Variants in CCDC3 observed in about 807,000 individuals in gnomAD.
CCDC3 encodes coiled-coil domain containing 3.
In CCDC3, 24 loss-of-function variants were observed where a neutral mutation model predicts 21.4. The observed-to-expected ratio is 1.12, with a 90% CI of 0.81 to 1.58. The LOEUF is 1.58. Among genes scored for constraint, CCDC3 ranks in the 40% most tolerant of loss-of-function variants. The pLI is 0.00. For missense variants in CCDC3, 425 were observed against 360.9 expected, an observed-to-expected ratio of 1.18 and a Z score of -1.44; for synonymous variants, 186 against 166.0, an observed-to-expected ratio of 1.12 and a Z score of -0.93.
At chr10:12,916,234 C>G (rs75803721) in intron 2 of CCDC3, among the ~76,000 whole-genome samples, 4 of 152,242 alleles carry the variant, frequency 2.6e-5, no homozygotes, top group Admixed American at 2.0e-4. Flanking sequence ...GCGATTGAGA[C>G]CAGCCTGGCC....
chr10:13,089,176 A>G (rs9664219), intron 3 of CCDC3, among the ~76,000 whole-genome samples: 119,673 of 152,006 alleles, frequency 0.79, 47,276 homozygotes, highest in South Asian at 0.85. Context: ...GATAGTGGCT[A>G]ACTCTTTAGA....
chr10:12,966,412 G>C (rs1334508038), intron 2 of CCDC3, among the ~76,000 whole-genome samples: 1 of 152,078 alleles, frequency 6.6e-6, no homozygotes, highest in Non-Finnish European at 1.5e-5. Context: ...TGCATTACAA[G>C]CATGCTCCTG....
chr10:13,036,035 T>A (rs571653098), intron 5 of CCDC3, among the ~76,000 whole-genome samples: 1 of 152,176 alleles, frequency 6.6e-6, no homozygotes, highest in East Asian at 1.9e-4. Flanking sequence ...TCCCGGCTAC[T>A]CAGGAGGCTG....
At chr10:13,017,255 G>A (rs894971121) in intron 5 of CCDC3, among the ~76,000 whole-genome samples, 2 of 151,908 alleles carry the variant, frequency 1.3e-5, no homozygotes, top group Admixed American at 6.6e-5. Flanking sequence ...GGTGGCTCAC[G>A]TCTGTAATCC....
In CCDC3 at chr10:12,958,222, A is replaced by AC. The variant is rs1369456087; in HGVS notation, c.549+40115_549+40116insG. 1.6e-4 allele frequency among the ~76,000 whole-genome samples: 25 copies of AC among 152,302 alleles called. No homozygotes were observed. The Middle Eastern group carries it at 0.01, about 62-fold the overall frequency. ...CAAAAGTAAACAAACAAACAAACAA[A>AC]AAAAACCCAACAACCCAAGACCATG... is the stretch of plus-strand genomic sequence containing the variant. On this transcript the variant is annotated intron_variant, in intron 2 of 2. Transcript: ENST00000378825.
intron 5 of CCDC3, among the ~76,000 whole-genome samples, chr10:13,033,741 A>G (rs908136181): frequency 7.9e-5 from 12 of 152,252 alleles, no homozygotes; most frequent in Non-Finnish European, 2.9e-5. Flanking sequence ...ACGTGAAAAA[A>G]TGCTCGTCAT....
intron 4 of CCDC3, among the ~76,000 whole-genome samples, chr10:13,068,514 G>A (rs1428850908): frequency 1.3e-5 from 2 of 152,158 alleles, no homozygotes; most frequent in Non-Finnish European, 2.9e-5. Context: ...AAATGTAGAT[G>A]TCATCAAAAT....
At chr10:12,928,906 T>G in intron 2 of CCDC3, among the ~76,000 whole-genome samples, 1 of 152,040 alleles carries the variant, frequency 6.6e-6, no homozygotes. Context: ...AGAGCAAGCT[T>G]TGGAGGCACC....
chr10:12,953,605 T>C (rs1835041105), intron 2 of CCDC3, among the ~76,000 whole-genome samples: 1 of 152,076 alleles, frequency 6.6e-6, no homozygotes, highest in African/African-American at 2.4e-5. Flanking sequence ...TGGGCAGAGT[T>C]TTCTCTGCTG....
intron 2 of CCDC3, among the ~76,000 whole-genome samples, chr10:12,909,468 C>A (rs1834230784): frequency 6.6e-6 from 1 of 152,180 alleles, no homozygotes; most frequent in South Asian, 2.1e-4. Context: ...GGTGTGCCAA[C>A]CCGGGCTGAG....
At chr10:12,958,375 A>C (rs1421706661) in intron 2 of CCDC3, among the ~76,000 whole-genome samples, 5 of 152,052 alleles carry the variant, frequency 3.3e-5, no homozygotes, top group Non-Finnish European at 7.4e-5. Context: ...GGTGCCAAAA[A>C]CCAGACGACC....
intron 3 of CCDC3, among the ~76,000 whole-genome samples, chr10:13,084,690 G>C (rs1837081411): frequency 6.6e-6 from 1 of 152,126 alleles, no homozygotes; most frequent in African/African-American, 2.4e-5. Flanking sequence ...GTCTAGATCG[G>C]GACTCCTTTC....
chr10:12,898,795 A>T, intron 2 of CCDC3, 116 bp from the exon 3 acceptor site: 1 of 1,232,446 alleles, frequency 8.1e-7, no homozygotes. Flanking sequence ...CCGATTCCCC[A>T]CCCCAGCATG....
chr10:12,916,743 G>T (rs1373802473), intron 2 of CCDC3, among the ~76,000 whole-genome samples: 1 of 152,248 alleles, frequency 6.6e-6, no homozygotes, highest in East Asian at 1.9e-4. Context: ...AAGTAAGCCT[G>T]AAGTCTGGGG....
At chr10:12,959,415 G>A (rs765990597) in intron 2 of CCDC3, among the ~76,000 whole-genome samples, 4 of 152,120 alleles carry the variant, frequency 2.6e-5, no homozygotes, top group Non-Finnish European at 5.9e-5. Context: ...GGATCCACCT[G>A]CCTCGGCCTC....
intron 2 of CCDC3, among the ~76,000 whole-genome samples, chr10:12,907,338 C>T (rs895063520): frequency 1.6e-4 from 25 of 152,192 alleles, no homozygotes; most frequent in African/African-American, 5.8e-4. Context: ...TGTGAAGCCC[C>T]ATTTCCCAGG....
intron 4 of CCDC3, chr10:13,057,762 C>A: frequency 4.7e-6 from 1 of 211,252 alleles, no homozygotes; most frequent in Non-Finnish European, 9.5e-6. Context: ...GCCTGTAAAT[C>A]CCAGCTACTC....
Position 13,001,355 on chromosome 10 carries a change from G to C in CCDC3, c.216C>G (p.Gly72=). The change falls in exon 1 of 3, where the codon GGC becomes GGG. Residue 72 remains glycine (G), a synonymous_variant. Transcript: ENST00000378825. ...TCTCGACCTCGGCCGAGTAGAAGAG[G>C]CCCCCCTGGCCGGCGTGGTACTGCC... ...LPWQYHAGQG[G]LFYSAEVEML... is the part of the protein sequence containing the mutation. 1 of 1,598,692 alleles carries C rather than the reference G, an allele frequency of 6.3e-7. No individual in the cohort carries two copies.
At chr10:13,024,239 G>A (rs952679621) in intron 5 of CCDC3, among the ~76,000 whole-genome samples, 2 of 149,936 alleles carry the variant, frequency 1.3e-5, no homozygotes, top group Non-Finnish European at 3.0e-5. Flanking sequence ...TTTTTTTTCA[G>A]TCCAGGCTGA....
Sources: allele counts gnomAD v4.1 joint callset (sites outside exome capture counted in the v4.1 genomes callset), GRCh38; gene constraint gnomAD v4.1.1; transcripts MANE v1.5; gene names NCBI Gene and HGNC (gene_info 2026-07-23, HGNC 2026-07-21).